ZC3H7B: variants seen among roughly 807,000 people sequenced by gnomAD.
The protein encoded by ZC3H7B is zinc finger CCCH-type containing 7B, also known as zinc finger CCCH domain-containing protein 7B.
ZC3H7B carries 35 observed loss-of-function variants against 116.0 expected under a neutral mutation model. The ratio of observed to expected loss-of-function variants is 0.30; its 90% CI spans 0.23 to 0.40. ZC3H7B has a LOEUF of 0.40. Ranked by LOEUF, ZC3H7B falls within the 10% of genes least tolerant of loss-of-function variation. The pLI is 1.00. For synonymous variants in ZC3H7B, 502 were observed against 545.6 expected (o/e 0.92, Z 1.11); for missense variants, 1,011 against 1,321.5 (o/e 0.77, Z 3.64).
chr22:41,348,899 G>A (rs2036622152), intron 15 of ZC3H7B, among the ~76,000 whole-genome samples: 1 of 152,142 alleles, frequency 6.6e-6, no homozygotes, highest in South Asian at 2.1e-4. Context: ...TTTGAACCCT[G>A]GGGGAGGGAC....
At chr22:41,329,861 G>A (rs1423893969) in intron 5 of ZC3H7B, among the ~76,000 whole-genome samples, 162 bp from the exon 6 acceptor site, 3 of 152,236 alleles carry the variant, frequency 2.0e-5, no homozygotes, top group Admixed American at 6.5e-5. Flanking sequence ...CTCACTAGCT[G>A]TGTGACTTGG....
Position 41,340,078 on chromosome 22 carries a change from A to G in ZC3H7B, c.1079A>G (p.Asp360Gly). 1 of 1,612,112 alleles carries G rather than the reference A, an allele frequency of 6.2e-7. No individual in the cohort carries two copies. Among genetic ancestry groups the G allele is most frequent in the South Asian group, 1.1e-5 (1 of 91,028 alleles). The change falls in exon 10 of 23, where the codon GAT (aspartate) becomes GGT (glycine). Residue 360 changes from aspartate (D) to glycine (G), a missense_variant. Transcript: ENST00000352645. ...DLLPYSETRLDALDSFGSTRG... is the reference protein window; with the variant it reads ...DLLPYSETRLGALDSFGSTRG... Reference sequence around the variant, plus strand: ...CTGCCGTACTCGGAGACCCGGCTGGATGCACTCGACAGCTTTGGGTCGACA... The same window carrying G: ...CTGCCGTACTCGGAGACCCGGCTGGGTGCACTCGACAGCTTTGGGTCGACA...
intron 13 of ZC3H7B, 141 bp downstream of exon 13, chr22:41,343,717 C>G (rs2036551743): frequency 6.6e-6 from 8 of 1,205,910 alleles, no homozygotes; most frequent in Non-Finnish European, 8.9e-6. Context: ...ACGGCCTAGG[C>G]TCCTGGGGCC....
chr22:41,325,958 C>T (rs982881903), intron 4 of ZC3H7B, 40 bp downstream of exon 4: 43 of 1,562,258 alleles, frequency 2.8e-5, no homozygotes, highest in Non-Finnish European at 3.7e-5. Flanking sequence ...CTCTGCTGCC[C>T]TGATCCCCTG....
chr22:41,321,483 G>A (rs1356703248), intron 2 of ZC3H7B, among the ~76,000 whole-genome samples: 2 of 151,990 alleles, frequency 1.3e-5, no homozygotes, highest in Non-Finnish European at 2.9e-5. Context: ...CCAAAGTGCT[G>A]GGATTACAGG....
At chr22:41,345,496 A>G (rs1333629047) in intron 13 of ZC3H7B, among the ~76,000 whole-genome samples, 5 of 152,060 alleles carry the variant, frequency 3.3e-5, no homozygotes, top group Admixed American at 6.6e-5. Flanking sequence ...GAGGCAGGAG[A>G]ATCACTTGAA....
At chr22:41,352,369 C>T (rs2036663100) in intron 17 of ZC3H7B, among the ~76,000 whole-genome samples, 1 of 152,130 alleles carries the variant, frequency 6.6e-6, no homozygotes, top group African/African-American at 2.4e-5. Flanking sequence ...ATTCAAGGTG[C>T]CTCCATTGTA....
intron 10 of ZC3H7B, 95 bp from the exon 11 acceptor site, chr22:41,340,993 T>G (rs1371159368): frequency 2.4e-6 from 3 of 1,244,246 alleles, no homozygotes; most frequent in African/African-American, 1.5e-5. Flanking sequence ...GCCTGGGGGC[T>G]TCTCCGAGTC....
chr22:41,356,058 C>T lies in ZC3H7B; in HGVS notation c.2379C>T (p.Asn793=), dbSNP rs756093704. 2 of 1,565,454 alleles carry T rather than the reference C, an allele frequency of 1.3e-6. No individual in the cohort carries two copies. The highest frequency in any genetic ancestry group is 2.8e-5 in the African/African-American group (2 of 72,318). Reference sequence around the variant, plus strand: ...ACATGTGGACCTTCATGAAGGAGAACAAGAGTGAGTGGGCAGACGGGGCGG... The same window carrying T: ...ACATGTGGACCTTCATGAAGGAGAATAAGAGTGAGTGGGCAGACGGGGCGG... ...ERDMWTFMKE[N]KILDMQQTYD... Residue 793 remains asparagine, a synonymous_variant, in exon 20 of 23, where the codon AAC becomes AAT. Coordinates refer to ENST00000352645, the MANE Select transcript of ZC3H7B (RefSeq NM_017590.6).
rs2036768424 is a variant in ZC3H7B at position 41,360,133 on chromosome 22, A to G, written c.*2704A>G. ...CCTTAGCCTTTGTTCTAGAAAATAA[A>G]CTTGTGCACTTTGACCTCTGTCCCC... is the stretch of plus-strand genomic sequence containing the variant. On this transcript the variant is annotated 3_prime_UTR_variant, in exon 23 of 23. Coordinates refer to ENST00000352645, the MANE Select transcript of ZC3H7B (RefSeq NM_017590.6). 6 of 152,236 alleles carry G rather than the reference A, an allele frequency of 3.9e-5. 1 individual carries two copies. In the South Asian group the frequency reaches 1.2e-3, roughly 32 times the overall value. 9.4% of individuals were successfully genotyped at this position (152,236 alleles called of 1,614,324 possible). A position where few individuals can be genotyped will look rare whatever the true frequency, so the allele number is the denominator to read the frequency against.
In ZC3H7B at chr22:41,332,218, G is replaced by A. The variant is rs1181475483; in HGVS notation, c.573G>A (p.Val191=). 1 of 1,614,066 alleles carries A rather than the reference G, an allele frequency of 6.2e-7. No homozygotes were observed. The highest frequency in any genetic ancestry group is 8.5e-7 in the Non-Finnish European group (1 of 1,180,030). The change falls in exon 7 of 23, where the codon GTG becomes GTA. Residue 191 remains valine (V), a synonymous_variant. Coordinates refer to ENST00000352645, the MANE Select transcript of ZC3H7B (RefSeq NM_017590.6). ...SLLSNGTAAG[V]ADQGTSNGLG... is the part of the protein sequence containing the mutation. Reference sequence around the variant, plus strand: ...TCAGTAACGGCACTGCGGCTGGCGTGGCAGATCAGGTAGGATCGGGGCTGA... The same window carrying A: ...TCAGTAACGGCACTGCGGCTGGCGTAGCAGATCAGGTAGGATCGGGGCTGA...
At position 41,351,203 on chromosome 22, in the gene ZC3H7B, C is replaced by T. The variant is rs2036650167; in HGVS notation, c.1949-358C>T. On this transcript the variant is annotated intron_variant, in intron 16 of 22. Coordinates refer to ENST00000352645, the MANE Select transcript of ZC3H7B (RefSeq NM_017590.6). The surrounding 1 kb of genome is among the most constrained non-coding windows in gnomAD (Gnocchi z 5.1). ...CCAAGCAGGCACTAGGCTTGCAGCC[C>T]TGTTGAGGGAGATGGGGGTCAGGGA... Among the ~76,000 whole-genome samples, 1 of 152,150 alleles carries T rather than the reference C, an allele frequency of 6.6e-6. No individual in the cohort carries two copies. The highest frequency in any genetic ancestry group is 1.5e-5 in the Non-Finnish European group (1 of 68,028).
chr22:41,308,475 C>T (rs906237716), intron 1 of ZC3H7B, among the ~76,000 whole-genome samples: 2 of 152,100 alleles, frequency 1.3e-5, no homozygotes, highest in Admixed American at 6.6e-5. Context: ...CTGATCCTGT[C>T]GAATCTGCAT....
chr22:41,347,076 C>A (rs1009259802), intron 14 of ZC3H7B, among the ~76,000 whole-genome samples: 1 of 152,186 alleles, frequency 6.6e-6, no homozygotes, highest in Admixed American at 6.5e-5. Context: ...AGGAACTGCC[C>A]TCAGCCACAC....
At position 41,360,099 on chromosome 22, in the gene ZC3H7B, A is replaced by G. The variant is rs2145949232; in HGVS notation, c.*2670A>G. 6.6e-6 allele frequency: 1 copy of G among 152,470 alleles called. No individual in the cohort carries two copies. The highest frequency in any genetic ancestry group is 3.4e-3 in the Middle Eastern group (1 of 294). The allele number at this position is 152,470 out of a possible 1,614,324, so 9.4% of individuals were successfully genotyped here. On this transcript the variant is annotated 3_prime_UTR_variant, in exon 23 of 23. Coordinates refer to ENST00000352645, the MANE Select transcript of ZC3H7B (RefSeq NM_017590.6). Reference sequence around the variant, plus strand: ...TCCTTCTTAAAATAAAATGAAAGAAACTTGCTTCCCTTAGCCTTTGTTCTA... The same window carrying G: ...TCCTTCTTAAAATAAAATGAAAGAAGCTTGCTTCCCTTAGCCTTTGTTCTA...
intron 19 of ZC3H7B, 43 bp from the exon 20 acceptor site, chr22:41,355,911 T>C (rs758050291): frequency 6.2e-7 from 1 of 1,609,048 alleles, no homozygotes; most frequent in Non-Finnish European, 8.5e-7. Context: ...GCAGCGATGC[T>C]TTCCAGCGGG....
At chr22:41,332,480 T>C in intron 7 of ZC3H7B, 1 of 480,472 alleles carries the variant, frequency 2.1e-6, no homozygotes, top group Admixed American at 3.7e-5. Context: ...CTGGGCAGCC[T>C]GGTCCCACAC....
Position 41,325,586 on chromosome 22 carries a change from G to A in ZC3H7B, c.76G>A (p.Glu26Lys). 3 of 1,612,090 alleles carry A rather than the reference G, an allele frequency of 1.9e-6. No homozygotes were observed. The highest frequency in any genetic ancestry group is 2.2e-5 in the East Asian group (1 of 44,862). Residue 26 changes from glutamate (E) to lysine (K), a missense_variant, in exon 3 of 23, where the codon GAA becomes AAA. Around this residue, in one of 5 missense-constraint regions of ZC3H7B, gnomAD observed 322 missense variants for 443.9 expected, o/e 0.73. Transcript: ENST00000352645. ...FIQSTLPLKQEEYEAFLLKLV... is the reference protein window; with the variant it reads ...FIQSTLPLKQKEYEAFLLKLV... ...TAGGTCGACACTACCCCTAAAGCAA[G>A]AAGAATATGAGGTGAGTGTCAGCTG... is the stretch of plus-strand genomic sequence containing the variant.
chr22:41,342,752 C>G (rs1169388583), intron 12 of ZC3H7B, 124 bp downstream of exon 12: 1 of 990,996 alleles, frequency 1.0e-6, no homozygotes, highest in African/African-American at 1.6e-5. Flanking sequence ...ATCAGAAGCC[C>G]CTCTGGGGCA....
Sources: gnomAD v4.1 joint callset for allele counts (sites outside exome capture counted in the v4.1 genomes callset) on GRCh38, gnomAD v4.1.1 for gene constraint, gnomAD v4.1.1 regional missense constraint, Gnocchi (gnomAD v3.1) non-coding constraint, MANE v1.5 for transcripts, NCBI Gene and HGNC (gene_info 2026-07-23, HGNC 2026-07-21) for gene names.